RARS2: variants seen among roughly 807,000 people sequenced by gnomAD.
The protein encoded by RARS2 is arginyl-tRNA synthetase 2, mitochondrial, also known as probable arginine--tRNA ligase, mitochondrial.
In RARS2, 67 loss-of-function variants were observed where a neutral mutation model predicts 88.5. The ratio of observed to expected loss-of-function variants is 0.76; its 90% CI spans 0.62 to 0.93. The LOEUF (loss-of-function observed/expected upper bound fraction) is 0.93. Ranked by LOEUF, RARS2 falls within the 40% of genes least tolerant of loss-of-function variation. The pLI is 0.00. For missense variants in RARS2, 664 were observed against 684.2 expected, an observed-to-expected ratio of 0.97 and a Z score of 0.33; for synonymous variants, 239 against 230.3, an observed-to-expected ratio of 1.04 and a Z score of -0.34.
At chr6:87,534,174 G>A (rs1562113042) in intron 8 of RARS2, among the ~76,000 whole-genome samples, 1 of 152,110 alleles carries the variant, frequency 6.6e-6, no homozygotes. Flanking sequence ...ACATTCAAAT[G>A]TGTTTATATA....
intron 5 of RARS2, among the ~76,000 whole-genome samples, chr6:87,552,054 G>A (rs1335974776): frequency 1.3e-5 from 2 of 152,102 alleles, no homozygotes; most frequent in Non-Finnish European, 2.9e-5. Context: ...CAAAATATAT[G>A]ACAACCTACA....
chr6:87,580,256 G>A (rs530981267), intron 1 of RARS2, among the ~76,000 whole-genome samples: 3 of 152,186 alleles, frequency 2.0e-5, no homozygotes, highest in South Asian at 2.1e-4. Context: ...TAGCACAAGC[G>A]AAAAGAAGGT....
At chr6:87,522,113 C>T (rs1774068073) in intron 11 of RARS2, among the ~76,000 whole-genome samples, 1 of 152,112 alleles carries the variant, frequency 6.6e-6, no homozygotes, top group East Asian at 1.9e-4. Context: ...GGGAGGTTCA[C>T]GAGGTCAGGA....
At chr6:87,585,480 C>T (rs758961257) in intron 1 of RARS2, among the ~76,000 whole-genome samples, 2 of 152,138 alleles carry the variant, frequency 1.3e-5, no homozygotes, top group Admixed American at 6.6e-5. Context: ...CCTGTAATCC[C>T]GGCACTTTGG....
At chr6:87,553,369 G>A (rs35593940) in intron 5 of RARS2, among the ~76,000 whole-genome samples, 4,875 of 152,216 alleles carry the variant, frequency 0.032, 106 homozygotes, top group Middle Eastern at 0.054. Flanking sequence ...CTAATCCATG[G>A]TGTCATAAGT....
chr6:87,538,726 A>G (rs1394689940), intron 8 of RARS2, among the ~76,000 whole-genome samples: 2 of 151,908 alleles, frequency 1.3e-5, no homozygotes, highest in African/African-American at 2.4e-5. Flanking sequence ...GCAAGACCCT[A>G]TTGTTATTTA....
At chr6:87,519,893 C>T (rs2128008353) in intron 13 of RARS2, among the ~76,000 whole-genome samples, 186 bp from the exon 14 acceptor site, 1 of 152,212 alleles carries the variant, frequency 6.6e-6, no homozygotes, top group East Asian at 1.9e-4. Flanking sequence ...TTATAATCAC[C>T]AGCATGTGAT....
intron 1 of RARS2, among the ~76,000 whole-genome samples, chr6:87,576,484 G>A (rs1374467711): frequency 8.6e-6 from 1 of 115,674 alleles, no homozygotes; most frequent in African/African-American, 3.2e-5. Context: ...CACCGTGTTA[G>A]CCAGGATGGT....
At chr6:87,579,694 G>C (rs1273133194) in intron 1 of RARS2, among the ~76,000 whole-genome samples, 1 of 143,524 alleles carries the variant, frequency 7.0e-6, no homozygotes, top group African/African-American at 2.6e-5. Context: ...AACAAATTGA[G>C]AGCCACCGAG....
At chr6:87,574,219 T>C (rs913887800) in intron 1 of RARS2, among the ~76,000 whole-genome samples, 3 of 152,124 alleles carry the variant, frequency 2.0e-5, no homozygotes, top group South Asian at 2.1e-4. Context: ...AACCTTGATA[T>C]GGTGTTGTGT....
At chr6:87,546,381 C>A (rs1338715121) in intron 6 of RARS2, among the ~76,000 whole-genome samples, 5 of 152,160 alleles carry the variant, frequency 3.3e-5, no homozygotes, top group Non-Finnish European at 7.4e-5. Flanking sequence ...AGGTGAGCTA[C>A]TTCTATTTTT....
chr6:87,566,408 TTTCTTA>T, intron 2 of RARS2, among the ~76,000 whole-genome samples: 1 of 152,220 alleles, frequency 6.6e-6, no homozygotes, highest in Non-Finnish European at 1.5e-5. Context: ...GCTTTTATCT[TTTCTTA>T]TTCTTCTGTA....
At chr6:87,587,755 GTTC>G (rs1722656901) in intron 1 of RARS2, among the ~76,000 whole-genome samples, 1 of 152,066 alleles carries the variant, frequency 6.6e-6, no homozygotes, top group Admixed American at 6.6e-5. Flanking sequence ...CAATATATTA[GTTC>G]TTGTTTCTCC....
chr6:87,540,106 G>A (rs1780441951), intron 8 of RARS2, among the ~76,000 whole-genome samples: 1 of 152,182 alleles, frequency 6.6e-6, no homozygotes, highest in African/African-American at 2.4e-5. Context: ...TTAGAGTGCA[G>A]TGTTGGCATG....
chr6:87,587,690 C>T (rs74889315), intron 1 of RARS2, among the ~76,000 whole-genome samples: 1,725 of 152,314 alleles, frequency 0.011, 31 homozygotes, highest in African/African-American at 0.039. Context: ...TTCTATATCA[C>T]AGGGTTGCCA....
intron 8 of RARS2, among the ~76,000 whole-genome samples, chr6:87,531,665 G>C (rs1777571748): frequency 6.6e-6 from 1 of 152,128 alleles, no homozygotes; most frequent in African/African-American, 2.4e-5. Context: ...TCCATACTCA[G>C]CCAAGAACTA....
chr6:87,518,067 A>T (rs1562052188), intron 17 of RARS2, 102 bp downstream of exon 17: 1 of 1,606,732 alleles, frequency 6.2e-7, no homozygotes, highest in Non-Finnish European at 8.5e-7. Flanking sequence ...GTCTAGAGGC[A>T]GAAGGCAGCT....
At chr6:87,518,482 T>C in intron 16 of RARS2, 148 bp downstream of exon 16, 1 of 1,343,860 alleles carries the variant, frequency 7.4e-7, no homozygotes, top group Non-Finnish European at 1.0e-6. Context: ...TAAATTTTTT[T>C]TTTTTCCTAA....
At chr6:87,527,115 C>A (rs2128046852) in intron 10 of RARS2, among the ~76,000 whole-genome samples, 1 of 152,008 alleles carries the variant, frequency 6.6e-6, no homozygotes, top group African/African-American at 2.4e-5. Context: ...TTGAGATCAT[C>A]CTGGCCAACA....
Sources: allele counts gnomAD v4.1 joint callset (sites outside exome capture counted in the v4.1 genomes callset), GRCh38; gene constraint gnomAD v4.1.1; transcripts MANE v1.5; gene names NCBI Gene and HGNC (gene_info 2026-07-23, HGNC 2026-07-21).